The following EYS variants were observed in gnomAD, a reference collection of about 807,000 sequenced individuals.
EYS encodes EGF-like photoreceptor maintenance factor.
A neutral mutation model predicts 282.1 loss-of-function variants in EYS; 250 were observed. The ratio of observed to expected loss-of-function variants is 0.89; its 90% confidence interval spans 0.80 to 0.98. The LOEUF (loss-of-function observed/expected upper bound fraction) is 0.98. EYS is among the 50% of genes least tolerant of loss of function. The probability of loss-of-function intolerance (pLI) is 0.00; values close to 1 mark genes in which losing one functional copy is unlikely to be tolerated. For missense variants in EYS, 4,016 were observed against 3,709.0 expected (o/e 1.08, Z -2.15); for synonymous variants, 1,355 against 1,282.9 (o/e 1.06, Z -1.20).
chr6:64,355,503 A>T (rs1047168058), intron 29 of EYS, among the ~76,000 whole-genome samples: 4 of 151,586 alleles, frequency 2.6e-5, no homozygotes, highest in Non-Finnish European at 4.4e-5. Flanking sequence ...GTATTCATTG[A>T]CTTTTCCATG....
At chr6:65,563,896 A>T (rs1181952262) in intron 2 of EYS, among the ~76,000 whole-genome samples, 1 of 152,164 alleles carries the variant, frequency 6.6e-6, no homozygotes, top group Non-Finnish European at 1.5e-5. Flanking sequence ...TCTCAGCCCA[A>T]AATCTCCTTA....
At chr6:65,277,465 C>G (rs926133935) in intron 12 of EYS, among the ~76,000 whole-genome samples, 1 of 147,368 alleles carries the variant, frequency 6.8e-6, no homozygotes, top group African/African-American at 2.5e-5. Context: ...AAAAAAAAAG[C>G]GCCCCGGAAA....
At chr6:64,360,392 T>C (rs1055771649) in intron 29 of EYS, among the ~76,000 whole-genome samples, 21 of 151,584 alleles carry the variant, frequency 1.4e-4, no homozygotes, top group Admixed American at 1.2e-3. Flanking sequence ...TCACTGGAGA[T>C]GCTCTACACT....
intron 22 of EYS, among the ~76,000 whole-genome samples, chr6:64,645,267 G>A (rs957144087): frequency 1.3e-5 from 2 of 152,156 alleles, no homozygotes; most frequent in Non-Finnish European, 2.9e-5. Context: ...GAGCAGTCTC[G>A]TGTTTGAATC....
chr6:64,066,137 C>A (rs961576058), intron 33 of EYS, among the ~76,000 whole-genome samples: 2 of 152,066 alleles, frequency 1.3e-5, no homozygotes, highest in Admixed American at 6.6e-5. Flanking sequence ...ACTAGCCAGG[C>A]GTGGTGGTGC....
intron 12 of EYS, among the ~76,000 whole-genome samples, chr6:65,292,535 C>T (rs1242026900): frequency 2.0e-5 from 3 of 151,666 alleles, no homozygotes; most frequent in African/African-American, 4.8e-5. Context: ...TCTAGAAGTA[C>T]GAAGGCACCT....
At chr6:65,011,097 C>G (rs1481184766) in intron 13 of EYS, among the ~76,000 whole-genome samples, 2 of 152,208 alleles carry the variant, frequency 1.3e-5, no homozygotes, top group Non-Finnish European at 2.9e-5. Flanking sequence ...TGGGGAACCT[C>G]ACAAGGACAT....
intron 26 of EYS, among the ~76,000 whole-genome samples, chr6:64,551,184 A>T (rs1765068069): frequency 6.7e-6 from 1 of 149,394 alleles, no homozygotes; most frequent in Non-Finnish European, 1.5e-5. Flanking sequence ...ATATACACAC[A>T]TATATACATA....
intron 36 of EYS, among the ~76,000 whole-genome samples, chr6:63,822,992 A>G (rs67856629): frequency 0.082 from 12,472 of 152,208 alleles, 568 homozygotes; most frequent in East Asian, 0.16. Flanking sequence ...TGGATGTCTT[A>G]TTTGTAACTA....
intron 35 of EYS, among the ~76,000 whole-genome samples, chr6:63,935,979 C>T (rs1433482109): frequency 6.6e-6 from 1 of 152,250 alleles, no homozygotes; most frequent in Non-Finnish European, 1.5e-5. Flanking sequence ...CCTTCCCCTT[C>T]ACTTCTGAAT....
intron 36 of EYS, among the ~76,000 whole-genome samples, chr6:63,831,452 G>A (rs1771635608): frequency 6.6e-6 from 1 of 151,996 alleles, no homozygotes; most frequent in Admixed American, 6.6e-5. Flanking sequence ...AACCAACAAA[G>A]ATCAAAAGAG....
At chr6:64,206,580 A>G (rs933656270) in intron 31 of EYS, among the ~76,000 whole-genome samples, 1 of 152,184 alleles carries the variant, frequency 6.6e-6, no homozygotes, top group Non-Finnish European at 1.5e-5. Context: ...TGATATGTGA[A>G]AATCATAAAG....
intron 22 of EYS, among the ~76,000 whole-genome samples, chr6:64,640,666 A>G (rs1768111041): frequency 6.6e-6 from 1 of 152,106 alleles, no homozygotes; most frequent in Non-Finnish European, 1.5e-5. Context: ...ACATGTATAC[A>G]TATGTAACTA....
chr6:65,690,403 C>T (rs527490968), intron 1 of EYS, among the ~76,000 whole-genome samples: 4 of 149,652 alleles, frequency 2.7e-5, no homozygotes, highest in Non-Finnish European at 5.9e-5. Flanking sequence ...GCCCCTCATG[C>T]GTCCGTTTAT....
intron 1 of EYS, among the ~76,000 whole-genome samples, chr6:65,690,617 T>G (rs1244073630): frequency 6.7e-6 from 1 of 150,032 alleles, no homozygotes; most frequent in African/African-American, 2.4e-5. Flanking sequence ...AATTTTGTAT[T>G]TACAATAATC....
chr6:64,459,574 C>T (rs1003866758), intron 26 of EYS, among the ~76,000 whole-genome samples: 1 of 152,168 alleles, frequency 6.6e-6, no homozygotes, highest in Non-Finnish European at 1.5e-5. Context: ...GCCGACAGTG[C>T]AGCCTGCAGT....
At chr6:65,089,246 A>C (rs1774479536) in intron 12 of EYS, among the ~76,000 whole-genome samples, 1 of 152,098 alleles carries the variant, frequency 6.6e-6, no homozygotes, top group Non-Finnish European at 1.5e-5. Flanking sequence ...TATGACTAGC[A>C]CCTTACACTT....
intron 26 of EYS, among the ~76,000 whole-genome samples, chr6:64,516,614 G>A (rs1456161095): frequency 2.0e-5 from 3 of 151,642 alleles, no homozygotes; most frequent in South Asian, 4.2e-4. Context: ...GTCCTAGAAT[G>A]GCAGACCTCC....
intron 26 of EYS, among the ~76,000 whole-genome samples, chr6:64,509,728 T>C (rs1041352766): frequency 2.6e-5 from 4 of 152,154 alleles, no homozygotes; most frequent in African/African-American, 7.2e-5. Context: ...AAAATAATCA[T>C]GAACAGATGG....
Sources: allele counts gnomAD v4.1 joint callset (sites outside exome capture counted in the v4.1 genomes callset), GRCh38; gene constraint gnomAD v4.1.1; transcripts MANE v1.5; gene names NCBI Gene and HGNC (gene_info 2026-07-23, HGNC 2026-07-21).